PLCXD3: variants seen among roughly 807,000 people sequenced by gnomAD.
PLCXD3 encodes PI-PLC X domain-containing protein 3.
Under a neutral mutation model 25.5 loss-of-function variants are expected in PLCXD3, and 19 were observed. That is an observed-to-expected ratio of 0.75 (90% CI 0.52 to 1.09). The LOEUF (loss-of-function observed/expected upper bound fraction) is 1.09, where lower values mean the gene tolerates loss of function less well. PLCXD3 is among the 50% of genes least tolerant of loss of function. PLCXD3 has a pLI of 0.00. For missense variants in PLCXD3, 411 were observed against 388.1 expected (o/e 1.06, Z -0.50); for synonymous variants, 174 against 137.6 (o/e 1.26, Z -1.85).
Position 41,313,711 on chromosome 5 carries a change from T to C in PLCXD3, c.872A>G (p.Asn291Ser). ...RTQKPGESGI[N>S]IVTADFVELG... is the part of the protein sequence containing the mutation. ...TTCTACAAAATCGGCAGTGACAATA[T>C]TGATGCCACTCTCTCCTGGCTTCTG... The change falls in exon 3 of 3, where the codon AAT becomes AGT. Residue 291 changes from asparagine (N) to serine (S), a missense_variant. By Grantham distance (46) the Asn-to-Ser change is conservative. Coordinates refer to ENST00000377801, the MANE Select transcript of PLCXD3 (RefSeq NM_001005473.3). 6.2e-7 allele frequency: 1 copy of C among 1,613,742 alleles called. No homozygotes were observed. The highest frequency in any genetic ancestry group is 8.5e-7 in the Non-Finnish European group (1 of 1,179,764).
intron 1 of PLCXD3, among the ~76,000 whole-genome samples, chr5:41,470,635 A>T (rs1253333901): frequency 6.6e-6 from 1 of 152,208 alleles, no homozygotes; most frequent in Non-Finnish European, 1.5e-5. Flanking sequence ...TAAACAGTAA[A>T]AATGTCTGCT....
intron 1 of PLCXD3, among the ~76,000 whole-genome samples, chr5:41,433,363 T>C (rs1480638291): frequency 1.3e-5 from 2 of 152,198 alleles, no homozygotes; most frequent in African/African-American, 4.8e-5. Context: ...TTAAATGATA[T>C]TTATGACTTT....
chr5:41,489,419 T>C (rs1293668592), intron 1 of PLCXD3, among the ~76,000 whole-genome samples: 3 of 152,224 alleles, frequency 2.0e-5, no homozygotes, highest in Admixed American at 2.0e-4. Flanking sequence ...GCGGGCTCTT[T>C]TTTGGTTCCA....
Position 41,451,431 on chromosome 5 carries a change from T to C in PLCXD3, c.103+58993A>G, listed in dbSNP as rs116193633. Among the ~76,000 whole-genome samples, 806 of 152,118 alleles carry C rather than the reference T, an allele frequency of 5.3e-3. 3 individuals are homozygous for C. The highest frequency in any genetic ancestry group is 8.3e-3 in the Non-Finnish European group (567 of 67,964). ...TCGATAGACATTTAAGTGCCTCTGA[T>C]TGCAAAAGTGAACACAAAGCTGTTG... On this transcript the variant is annotated intron_variant, in intron 1 of 2. Transcript: ENST00000377801.
chr5:41,481,073 T>C (rs1437310519), intron 1 of PLCXD3, among the ~76,000 whole-genome samples: 1 of 118,124 alleles, frequency 8.5e-6, no homozygotes, highest in African/African-American at 3.4e-5. Context: ...ATGGAGAGAG[T>C]CCTGAAGAAA....
chr5:41,415,260 C>G (rs1455290359), intron 1 of PLCXD3, among the ~76,000 whole-genome samples: 1 of 152,114 alleles, frequency 6.6e-6, no homozygotes, highest in Non-Finnish European at 1.5e-5. Flanking sequence ...TCTTTCTGTA[C>G]TTTTTAAAAA....
intron 1 of PLCXD3, among the ~76,000 whole-genome samples, chr5:41,428,552 C>A (rs1421677555): frequency 6.6e-6 from 1 of 151,956 alleles, no homozygotes; most frequent in Non-Finnish European, 1.5e-5. Flanking sequence ...AGAAACAAAA[C>A]CAGCCAACCC....
chr5:41,450,541 T>C (rs1023295467), intron 1 of PLCXD3, among the ~76,000 whole-genome samples: 3 of 152,116 alleles, frequency 2.0e-5, no homozygotes, highest in Admixed American at 6.6e-5. Flanking sequence ...ACAATGCTGA[T>C]AGAAGCAGCT....
At chr5:41,316,486 T>C (rs1385352978) in intron 2 of PLCXD3, among the ~76,000 whole-genome samples, 1 of 152,164 alleles carries the variant, frequency 6.6e-6, no homozygotes, top group Non-Finnish European at 1.5e-5. Flanking sequence ...GAGAGAAAAG[T>C]AAAGGGGACT....
At chr5:41,389,054 A>AT (rs1031225069) in intron 1 of PLCXD3, among the ~76,000 whole-genome samples, 6 of 151,328 alleles carry the variant, frequency 4.0e-5, no homozygotes, top group South Asian at 2.1e-4. Context: ...TACTTGCTTG[A>AT]TTTTTTTTTA....
At chr5:41,449,877 G>A (rs1239871508) in intron 1 of PLCXD3, among the ~76,000 whole-genome samples, 7 of 152,078 alleles carry the variant, frequency 4.6e-5, no homozygotes, top group African/African-American at 1.7e-4. Context: ...CACTAATAGT[G>A]TCTGCTATAT....
At chr5:41,417,294 AAG>A (rs992354571) in intron 1 of PLCXD3, among the ~76,000 whole-genome samples, 20 of 152,268 alleles carry the variant, frequency 1.3e-4, no homozygotes, top group African/African-American at 2.2e-4. Context: ...CTACATTACA[AAG>A]AGAGTTTTGC....
intron 1 of PLCXD3, among the ~76,000 whole-genome samples, chr5:41,385,636 CTG>C (rs1745610964): frequency 6.6e-6 from 1 of 152,184 alleles, no homozygotes; most frequent in Non-Finnish European, 1.5e-5. Flanking sequence ...ATACCCCTCT[CTG>C]TGAGTGTGGG....
At chr5:41,446,195 A>AAAAAAAAAAAAAAAAAAAAC in intron 1 of PLCXD3, among the ~76,000 whole-genome samples, 3 of 149,128 alleles carry the variant, frequency 2.0e-5, no homozygotes, top group Admixed American at 6.7e-5. Flanking sequence ...AAAAAAAAAA[A>AAAAAAAAAAAAAAAAAAAAC]AAAAAAGAAC....
chr5:41,385,555 T>G (rs1745609021), intron 1 of PLCXD3, among the ~76,000 whole-genome samples: 1 of 152,112 alleles, frequency 6.6e-6, no homozygotes, highest in Admixed American at 6.6e-5. Flanking sequence ...TGATAAATTG[T>G]ACCCTCATTC....
chr5:41,428,142 G>C (rs1184858985), intron 1 of PLCXD3, among the ~76,000 whole-genome samples: 1 of 151,984 alleles, frequency 6.6e-6, no homozygotes, highest in African/African-American at 2.4e-5. Context: ...AACTATCATG[G>C]CATAAATGAA....
At chr5:41,493,000 G>A (rs957983936) in intron 1 of PLCXD3, among the ~76,000 whole-genome samples, 1 of 152,198 alleles carries the variant, frequency 6.6e-6, no homozygotes, top group African/African-American at 2.4e-5. Context: ...GAGGAGGAGA[G>A]GCGCTCTGCT....
intron 1 of PLCXD3, among the ~76,000 whole-genome samples, chr5:41,449,771 C>T (rs1747585011): frequency 6.6e-6 from 1 of 152,008 alleles, no homozygotes; most frequent in Non-Finnish European, 1.5e-5. Context: ...CTGGTTAAGG[C>T]CCTTTTCTGC....
At chr5:41,372,311 C>T (rs1331114238) in intron 2 of PLCXD3, among the ~76,000 whole-genome samples, 1 of 133,580 alleles carries the variant, frequency 7.5e-6, no homozygotes, top group Non-Finnish European at 1.5e-5. Context: ...CACACACACA[C>T]ACACACACAC....
Sources: gnomAD v4.1 joint callset for allele counts (sites outside exome capture counted in the v4.1 genomes callset) on GRCh38, gnomAD v4.1.1 for gene constraint, MANE v1.5 for transcripts, NCBI Gene and HGNC (gene_info 2026-07-23, HGNC 2026-07-21) for gene names.